PCDHA4: variants seen among roughly 807,000 people sequenced by gnomAD.
PCDHA4 encodes the protein protocadherin alpha-4.
A neutral mutation model predicts 61.4 loss-of-function variants in PCDHA4; 49 were observed. That is an observed-to-expected ratio of 0.80 (90% CI 0.63 to 1.01). The LOEUF is 1.01. Ranked by LOEUF, PCDHA4 falls within the 50% of genes least tolerant of loss-of-function variation. PCDHA4 has a pLI of 0.00. For synonymous variants in PCDHA4, 590 were observed against 550.3 expected (o/e 1.07, Z -1.01); for missense variants, 1,254 against 1,235.8 (o/e 1.01, Z -0.22).
At chr5:140,926,946 A>G in intron 1 of PCDHA4, 1 of 1,590,228 alleles carries the variant, frequency 6.3e-7, no homozygotes. Context: ...GCGGCGCTGC[A>G]GCGGGACAGC....
In PCDHA4 at chr5:140,933,676, AT is replaced by A. The variant is rs1400784175; in HGVS notation, c.2386-45265del. 1.4e-4 allele frequency among the ~76,000 whole-genome samples: 21 copies of A among 151,552 alleles called. 1 individual carries two copies. Among genetic ancestry groups the A allele is most frequent in the Admixed American group, 1.3e-3 (19 of 15,194 alleles). On this transcript the variant is annotated intron_variant, in intron 1 of 3. Coordinates refer to ENST00000530339, the MANE Select transcript of PCDHA4 (RefSeq NM_018907.4). Reference sequence around the variant, plus strand: ...CTGTCTCTCTCTCTGTCTCTCTCACATTTTTTTTCCTATTCCTCGGACACAT... The same window carrying A: ...CTGTCTCTCTCTCTGTCTCTCTCACATTTTTTTCCTATTCCTCGGACACAT...
chr5:140,927,245 A>G (rs1197319664), intron 1 of PCDHA4: 6 of 1,613,948 alleles, frequency 3.7e-6, no homozygotes, highest in South Asian at 2.2e-5. Flanking sequence ...CTGGACACCA[A>G]TGACAACTCA....
intron 1 of PCDHA4, chr5:140,967,630 C>T (rs1278035224): frequency 3.7e-6 from 6 of 1,613,982 alleles, no homozygotes; most frequent in Non-Finnish European, 5.1e-6. Context: ...ATGAGGGCTC[C>T]AATGGTGAGC....
intron 3 of PCDHA4, among the ~76,000 whole-genome samples, chr5:140,986,019 G>T (rs562523452): frequency 1.3e-5 from 2 of 152,036 alleles, no homozygotes; most frequent in African/African-American, 2.4e-5. Flanking sequence ...GATTACAGGC[G>T]TGAGCCACTG....
At position 140,807,863 on chromosome 5, in the gene PCDHA4, G is replaced by T. The variant is rs529221273; in HGVS notation, c.676G>T (p.Val226Phe). The T allele has an allele frequency of 6.2e-6, 10 of 1,614,064 alleles. No homozygotes were observed. In the South Asian group the frequency reaches 8.8e-5, roughly 14 times the overall value. The change falls in exon 1 of 4, where the codon GTT (valine) becomes TTT (phenylalanine). Residue 226 changes from valine (V) to phenylalanine (F), a missense_variant. Coordinates refer to ENST00000530339, the MANE Select transcript of PCDHA4 (RefSeq NM_018907.4). ...DGGKPELTGTVQLLITVLDAN... is the reference protein window; with the variant it reads ...DGGKPELTGTFQLLITVLDAN... Reference sequence around the variant, plus strand: ...AGGCAAACCCGAGTTGACTGGCACCGTTCAGTTACTCATCACAGTACTGGA... The same window carrying T: ...AGGCAAACCCGAGTTGACTGGCACCTTTCAGTTACTCATCACAGTACTGGA...
chr5:140,896,596 C>T (rs1554187019), intron 1 of PCDHA4, among the ~76,000 whole-genome samples: 2 of 151,466 alleles, frequency 1.3e-5, no homozygotes, highest in African/African-American at 4.9e-5. Flanking sequence ...AGGCTGGTCT[C>T]GAACTCCTGG....
chr5:140,984,340 T>C (rs1224859959), intron 3 of PCDHA4, among the ~76,000 whole-genome samples: 1 of 152,242 alleles, frequency 6.6e-6, no homozygotes, highest in African/African-American at 2.4e-5. Flanking sequence ...ATAGGAACCA[T>C]GTATTGATAT....
chr5:140,935,341 G>A (rs1318000398), intron 1 of PCDHA4, among the ~76,000 whole-genome samples: 5 of 152,046 alleles, frequency 3.3e-5, no homozygotes, highest in Non-Finnish European at 5.9e-5. Context: ...TCTCCCATAC[G>A]TCAAATCCCA....
rs1554178111 is a variant in PCDHA4 at position 140,883,417 on chromosome 5, A to G, written c.2385+73845A>G. On this transcript the variant is annotated intron_variant, in intron 1 of 3. Transcript: ENST00000530339. Reference sequence around the variant, plus strand: ...CCGATCGTGACTCTGGCTCAAATGGACAGGTCACCTGCACCTTGACGCCGC... The same window carrying G: ...CCGATCGTGACTCTGGCTCAAATGGGCAGGTCACCTGCACCTTGACGCCGC... 3.1e-6 allele frequency: 5 copies of G among 1,614,146 alleles called. No homozygotes were observed. The South Asian group carries it at 5.5e-5, about 18-fold the overall frequency.
intron 1 of PCDHA4, chr5:140,863,338 C>T (rs1297413635): frequency 1.3e-5 from 18 of 1,361,566 alleles, no homozygotes; most frequent in Non-Finnish European, 1.8e-5. Flanking sequence ...GCTCACGTTG[C>T]TGCTGTACAC....
At chr5:140,827,439 C>T (rs1581843198) in intron 1 of PCDHA4, among the ~76,000 whole-genome samples, 1 of 152,282 alleles carries the variant, frequency 6.6e-6, no homozygotes, top group South Asian at 2.1e-4. Flanking sequence ...TCCATCATTA[C>T]ACAGAAGAAC....
chr5:140,869,964 T>A (rs546576795), intron 1 of PCDHA4: 1 of 1,613,046 alleles, frequency 6.2e-7, no homozygotes, highest in African/African-American at 1.3e-5. Context: ...TTAAGCCCAA[T>A]GGAAGACACT....
chr5:140,882,818 A>G, intron 1 of PCDHA4: 1 of 1,614,226 alleles, frequency 6.2e-7, no homozygotes, highest in Non-Finnish European at 8.5e-7. Flanking sequence ...GGACGCACAA[A>G]ACAGTCTTGA....
chr5:140,833,169 G>A (rs2150206852), intron 1 of PCDHA4, among the ~76,000 whole-genome samples: 2 of 152,190 alleles, frequency 1.3e-5, no homozygotes, highest in Admixed American at 6.6e-5. Flanking sequence ...AGTATTAACG[G>A]AAGATGACTG....
rs781861569 is a variant in PCDHA4, at chr5:140,807,672, TC to T, written c.486del (p.Ile162MetfsTer11). 4.3e-6 allele frequency: 7 copies of T among 1,614,086 alleles called. No individual in the cohort carries two copies. The highest frequency in any genetic ancestry group is 5.9e-6 in the Non-Finnish European group (7 of 1,180,036). ...FPLEGASDAD[I>X]GENALLTYRL... Reference sequence around the variant, plus strand: ...CTAGAGGGCGCCTCGGATGCAGATATCGGGGAGAACGCCCTGCTCACTTACA... The same window carrying T: ...CTAGAGGGCGCCTCGGATGCAGATATGGGGAGAACGCCCTGCTCACTTACA... On this transcript the variant is annotated frameshift_variant, in exon 1 of 4. Coordinates refer to ENST00000530339, the MANE Select transcript of PCDHA4 (RefSeq NM_018907.4). LOFTEE classifies it high-confidence loss of function.
chr5:140,873,437 T>C (rs1554166716), intron 1 of PCDHA4, among the ~76,000 whole-genome samples: 1 of 152,200 alleles, frequency 6.6e-6, no homozygotes, highest in Non-Finnish European at 1.5e-5. Flanking sequence ...TTATATCACA[T>C]AAATAACAAA....
intron 1 of PCDHA4, chr5:140,867,855 G>T (rs1340065029): frequency 6.6e-6 from 1 of 151,976 alleles, no homozygotes; most frequent in African/African-American, 2.4e-5. Context: ...TAGTTGAATT[G>T]TTTGATTAAT....
chr5:140,862,682 T>C (rs536714837), intron 1 of PCDHA4: 55 of 551,686 alleles, frequency 1.0e-4, no homozygotes, highest in South Asian at 7.3e-4. Flanking sequence ...AACGTGCTGG[T>C]GTCCTACTCG....
intron 1 of PCDHA4, among the ~76,000 whole-genome samples, chr5:140,959,972 AAAG>A (rs1460302752): frequency 2.0e-5 from 3 of 152,328 alleles, no homozygotes; most frequent in South Asian, 4.1e-4. Flanking sequence ...GATGTTACTG[AAAG>A]AAGAAGTTGG....
Sources: allele counts gnomAD v4.1 joint callset (sites outside exome capture counted in the v4.1 genomes callset), GRCh38; gene constraint gnomAD v4.1.1; transcripts MANE v1.5; gene names NCBI Gene and HGNC (gene_info 2026-07-23, HGNC 2026-07-21).